Variants in LYN observed in about 807,000 individuals in gnomAD.
The protein encoded by LYN is tyrosine-protein kinase Lyn.
LYN carries 12 observed loss-of-function variants against 65.0 expected under a neutral mutation model. The observed-to-expected ratio is 0.18, with a 90% CI of 0.12 to 0.30. The LOEUF (loss-of-function observed/expected upper bound fraction) is 0.30. Ranked by LOEUF, LYN falls within the 10% of genes least tolerant of loss-of-function variation. The pLI, the probability that LYN is intolerant of heterozygous loss-of-function variation, is 1.00. For synonymous variants in LYN, 222 were observed against 221.2 expected, an observed-to-expected ratio of 1.00 and a Z score of -0.03; for missense variants, 380 against 623.2, an observed-to-expected ratio of 0.61 and a Z score of 4.16.
chr8:56,001,843 C>A (rs1039077940), intron 12 of LYN, among the ~76,000 whole-genome samples: 3 of 152,030 alleles, frequency 2.0e-5, no homozygotes, highest in Non-Finnish European at 2.9e-5. Context: ...CTACCATGGC[C>A]CCTGAGGCTT....
chr8:55,919,917 T>TC (rs1554577106), intron 1 of LYN, among the ~76,000 whole-genome samples: 1 of 112,280 alleles, frequency 8.9e-6, no homozygotes, highest in African/African-American at 3.2e-5. Context: ...GCGGGGGGAG[T>TC]GGGGGTGGGA....
At chr8:55,889,421 T>C (rs1296327464) in intron 1 of LYN, among the ~76,000 whole-genome samples, 2 of 152,216 alleles carry the variant, frequency 1.3e-5, no homozygotes, top group Admixed American at 6.5e-5. Context: ...CAGCCTGGTG[T>C]CAAACTCCTA....
chr8:55,887,575 TACACACAC>T (rs372547745), intron 1 of LYN, among the ~76,000 whole-genome samples: 17 of 93,462 alleles, frequency 1.8e-4, no homozygotes, highest in African/African-American at 5.1e-4. Flanking sequence ...TATATATATA[TACACACAC>T]ACACACACAC....
chr8:55,957,487 G>T (rs1457258071), intron 8 of LYN, among the ~76,000 whole-genome samples: 2 of 152,228 alleles, frequency 1.3e-5, no homozygotes, highest in East Asian at 3.8e-4. Context: ...TGCATATAAA[G>T]TCATGGCTTG....
At chr8:55,889,455 A>G (rs1804890761) in intron 1 of LYN, among the ~76,000 whole-genome samples, 1 of 152,172 alleles carries the variant, frequency 6.6e-6, no homozygotes, top group Non-Finnish European at 1.5e-5. Context: ...CACCTGCCTC[A>G]GCCTCCCAAA....
intron 11 of LYN, 53 bp from the exon 12 acceptor site, chr8:55,999,364 CT>C: frequency 6.5e-7 from 1 of 1,537,958 alleles, no homozygotes; most frequent in Non-Finnish European, 8.9e-7. Context: ...ATGTTCATGA[CT>C]TTTTTGTTTA....
At chr8:55,902,904 A>G (rs1805311833) in intron 1 of LYN, 1 of 366,818 alleles carries the variant, frequency 2.7e-6, no homozygotes, top group Non-Finnish European at 5.3e-6. Flanking sequence ...GCTGGAGTGC[A>G]GCGGCGCAAT....
Position 55,888,644 on chromosome 8 carries a change from G to C in LYN, c.-6+8541G>C, listed in dbSNP as rs139883711. On this transcript the variant is annotated intron_variant, in intron 1 of 12. Coordinates refer to ENST00000519728, the MANE Select transcript of LYN (RefSeq NM_002350.4). ...TTTTCTGTGACAGCAATAGGCTTCA[G>C]CTTGTAATCGTCATCTGCAAGTAGG... Among the ~76,000 whole-genome samples, 134 of 152,292 alleles carry C rather than the reference G, an allele frequency of 8.8e-4. 1 individual carries two copies. The East Asian group carries it at 0.024, about 27-fold the overall frequency.
At chr8:55,891,867 CAGAG>C (rs979481864) in intron 1 of LYN, among the ~76,000 whole-genome samples, 1 of 152,102 alleles carries the variant, frequency 6.6e-6, no homozygotes, top group African/African-American at 2.4e-5. Flanking sequence ...ACTTTTTTGG[CAGAG>C]AGAGGACAGG....
intron 8 of LYN, 71 bp from the exon 9 acceptor site, chr8:55,966,644 A>G (rs1807467630): frequency 2.2e-6 from 3 of 1,387,072 alleles, no homozygotes; most frequent in South Asian, 2.6e-5. Flanking sequence ...CTGGGATTAT[A>G]GGTGTGAGCC....
intron 1 of LYN, among the ~76,000 whole-genome samples, chr8:55,940,501 G>A (rs1350034604): frequency 5.3e-5 from 8 of 152,072 alleles, no homozygotes; most frequent in African/African-American, 1.4e-4. Context: ...TCAGCCTCCC[G>A]AGTAGCTGGG....
rs1303696641 is a variant in LYN, at chr8:55,991,061, C to A, written c.1051-7285C>A. Among the ~76,000 whole-genome samples the A allele has an allele frequency of 3.3e-5, 5 of 152,170 alleles. No homozygotes were observed. In the East Asian group the frequency reaches 9.6e-4, roughly 29 times the overall value. On this transcript the variant is annotated intron_variant, in intron 10 of 12. Transcript: ENST00000519728. ...AAATAGAGACACGCCGGCAGTACTA[C>A]CACGTCAACTTAAGCAGCTGTGTCC...
intron 10 of LYN, among the ~76,000 whole-genome samples, chr8:55,972,622 GC>G (rs2130535728): frequency 6.6e-6 from 1 of 152,240 alleles, no homozygotes; most frequent in East Asian, 1.9e-4. Context: ...ATCTGTCTGT[GC>G]CAAGAAGGCC....
chr8:55,981,480 C>T (rs1807920437), intron 10 of LYN, among the ~76,000 whole-genome samples: 1 of 152,134 alleles, frequency 6.6e-6, no homozygotes, highest in Non-Finnish European at 1.5e-5. Context: ...TCATACAGCT[C>T]TGAATGAGTA....
At chr8:55,951,139 A>G (rs1806934770) in intron 6 of LYN, among the ~76,000 whole-genome samples, 1 of 152,016 alleles carries the variant, frequency 6.6e-6, no homozygotes, top group African/African-American at 2.4e-5. Context: ...GCTACTCTGG[A>G]GGCTGAGGTA....
intron 1 of LYN, among the ~76,000 whole-genome samples, chr8:55,926,824 TA>T (rs1269645133): frequency 1.3e-5 from 2 of 152,214 alleles, no homozygotes; most frequent in African/African-American, 4.8e-5. Context: ...AATATACTTT[TA>T]AAAAAATTAA....
chr8:55,918,834 T>A (rs1221019319), intron 1 of LYN, among the ~76,000 whole-genome samples: 1 of 152,070 alleles, frequency 6.6e-6, no homozygotes, highest in Non-Finnish European at 1.5e-5. Context: ...GTGCCCATGA[T>A]GGGCTGTGCA....
intron 3 of LYN, 148 bp from the exon 4 acceptor site, chr8:55,947,470 A>T: frequency 1.6e-6 from 1 of 643,774 alleles, no homozygotes; most frequent in Non-Finnish European, 2.8e-6. Flanking sequence ...TGGGCCGTGC[A>T]GACCCTGAGC....
At chr8:55,969,572 G>T in intron 9 of LYN, 145 bp from the exon 10 acceptor site, 1 of 673,592 alleles carries the variant, frequency 1.5e-6, no homozygotes, top group South Asian at 1.6e-5. Context: ...CCAATGCCAG[G>T]AAAAGGCTTT....
Sources: gnomAD v4.1 joint callset for allele counts (sites outside exome capture counted in the v4.1 genomes callset) on GRCh38, gnomAD v4.1.1 for gene constraint, MANE v1.5 for transcripts, NCBI Gene and HGNC (gene_info 2026-07-23, HGNC 2026-07-21) for gene names.